EXOC4: variants seen among roughly 807,000 people sequenced by gnomAD.
EXOC4 encodes exocyst complex component 4, also known as SEC8-like 1.
EXOC4 carries 71 observed loss-of-function variants against 107.2 expected under a neutral mutation model. The ratio of observed to expected loss-of-function variants is 0.66; its 90% CI spans 0.55 to 0.81. EXOC4 has a LOEUF of 0.81. EXOC4 is among the 30% of genes least tolerant of loss of function. EXOC4 has a pLI of 0.00. For missense variants in EXOC4, 1,108 were observed against 1,189.6 expected (o/e 0.93, Z 1.01); for synonymous variants, 456 against 441.2 (o/e 1.03, Z -0.42).
At chr7:133,489,742 A>T (rs1457861876) in intron 9 of EXOC4, among the ~76,000 whole-genome samples, 1 of 152,200 alleles carries the variant, frequency 6.6e-6, no homozygotes, top group Non-Finnish European at 1.5e-5. Context: ...GGCCCTCAGG[A>T]TAAAATAATG....
At chr7:133,723,470 A>G (rs1795148585) in intron 10 of EXOC4, among the ~76,000 whole-genome samples, 1 of 129,552 alleles carries the variant, frequency 7.7e-6, no homozygotes, top group Non-Finnish European at 1.6e-5. Context: ...ATGGGAGAAC[A>G]TCTTTTTTTT....
At chr7:133,576,009 C>G (rs968730328) in intron 9 of EXOC4, among the ~76,000 whole-genome samples, 2 of 152,154 alleles carry the variant, frequency 1.3e-5, no homozygotes, top group Admixed American at 1.3e-4. Flanking sequence ...TCTGGACCTC[C>G]GCTTACTCCT....
chr7:133,867,688 A>G (rs1798670009), intron 11 of EXOC4, among the ~76,000 whole-genome samples: 1 of 152,302 alleles, frequency 6.6e-6, no homozygotes, highest in East Asian at 1.9e-4. Context: ...CTTAAATGTG[A>G]TGCATAGTAT....
At chr7:133,904,399 A>G (rs1799522962) in intron 12 of EXOC4, among the ~76,000 whole-genome samples, 1 of 152,144 alleles carries the variant, frequency 6.6e-6, no homozygotes, top group Non-Finnish European at 1.5e-5. Flanking sequence ...TTTCTCTGTC[A>G]TTCATATTTT....
chr7:133,374,613 T>C (rs1165182520), intron 6 of EXOC4, among the ~76,000 whole-genome samples: 1 of 152,242 alleles, frequency 6.6e-6, no homozygotes, highest in African/African-American at 2.4e-5. Flanking sequence ...TTACATCATT[T>C]ACATGTTATA....
At chr7:134,021,925 G>T (rs1441610954) in intron 17 of EXOC4, among the ~76,000 whole-genome samples, 1 of 152,012 alleles carries the variant, frequency 6.6e-6, no homozygotes, top group Non-Finnish European at 1.5e-5. Flanking sequence ...GGGACAGAGG[G>T]AGGGAGGGAG....
In EXOC4 at chr7:133,825,769, A is replaced by T. The variant is rs375558947; in HGVS notation, c.1734+8225A>T. ...AGATTCAGCTTTTATTAGTGTAAATAGATTAGTCCCATTTAAGGTCTGCTG... is the reference window on the plus strand; with the variant it reads ...AGATTCAGCTTTTATTAGTGTAAATTGATTAGTCCCATTTAAGGTCTGCTG... On this transcript the variant is annotated intron_variant, in intron 11 of 17. Coordinates refer to ENST00000253861, the MANE Select transcript of EXOC4 (RefSeq NM_021807.4). 1.1e-4 allele frequency among the ~76,000 whole-genome samples: 17 copies of T among 152,312 alleles called. No homozygotes were observed. In the East Asian group the frequency reaches 3.1e-3, roughly 28 times the overall value.
chr7:133,992,483 A>C (rs1028086386), intron 14 of EXOC4, among the ~76,000 whole-genome samples: 1 of 151,724 alleles, frequency 6.6e-6, no homozygotes. Context: ...GGGTTTCACT[A>C]TGTTGGCCAG....
intron 7 of EXOC4, among the ~76,000 whole-genome samples, chr7:133,407,089 A>C (rs547784277): frequency 2.6e-4 from 39 of 152,286 alleles, no homozygotes; most frequent in Non-Finnish European, 4.7e-4. Flanking sequence ...CTTTAGCAAG[A>C]ATCCTGCTGT....
chr7:133,621,253 G>GA, intron 9 of EXOC4, among the ~76,000 whole-genome samples: 1 of 152,120 alleles, frequency 6.6e-6, no homozygotes, highest in Non-Finnish European at 1.5e-5. Context: ...AGATAATTGA[G>GA]AAAGGTACTT....
chr7:133,291,383 ATTT>A (rs372299756), intron 3 of EXOC4, among the ~76,000 whole-genome samples: 8 of 132,460 alleles, frequency 6.0e-5, no homozygotes, highest in Admixed American at 7.5e-5. Flanking sequence ...TTGTTATGTG[ATTT>A]TTTTTTTTTT....
At chr7:133,318,080 A>G (rs1275166253) in intron 5 of EXOC4, among the ~76,000 whole-genome samples, 1 of 152,174 alleles carries the variant, frequency 6.6e-6, no homozygotes, top group Non-Finnish European at 1.5e-5. Context: ...TATTGCATTC[A>G]GTGTCTGGTC....
At chr7:133,299,799 G>A (rs889122109) in intron 3 of EXOC4, among the ~76,000 whole-genome samples, 1 of 151,956 alleles carries the variant, frequency 6.6e-6, no homozygotes, top group South Asian at 2.1e-4. Flanking sequence ...TTATCTCCCT[G>A]GCAGTCTATT....
At chr7:133,286,215 T>A (rs1794273588) in intron 2 of EXOC4, among the ~76,000 whole-genome samples, 1 of 152,248 alleles carries the variant, frequency 6.6e-6, no homozygotes, top group African/African-American at 2.4e-5. Context: ...TTTGGTGTTT[T>A]CCTGTTTGGA....
chr7:133,433,259 C>T (rs1797894731), intron 7 of EXOC4, among the ~76,000 whole-genome samples: 1 of 152,162 alleles, frequency 6.6e-6, no homozygotes, highest in South Asian at 2.1e-4. Context: ...CTCCCAATAG[C>T]CCCCCACCCA....
At chr7:133,716,353 T>C (rs571019055) in intron 10 of EXOC4, among the ~76,000 whole-genome samples, 1 of 152,312 alleles carries the variant, frequency 6.6e-6, no homozygotes, top group Admixed American at 6.5e-5. Flanking sequence ...TACTTGTATA[T>C]GGGAGCGAGT....
chr7:133,320,532 A>C (rs985714804), intron 5 of EXOC4, among the ~76,000 whole-genome samples: 4 of 152,052 alleles, frequency 2.6e-5, no homozygotes, highest in South Asian at 2.1e-4. Flanking sequence ...ATTCTGGCTA[A>C]TCTTCCCATC....
rs373249984 is a variant in EXOC4 at position 133,358,184 on chromosome 7, T to TCAAA, written c.1007+1630_1007+1633dup. ...CTGGTTGACAGAGTGAAACTTCATC[T>TCAAA]CAAACAAACAAACAAACAAACACCC... On this transcript the variant is annotated intron_variant, in intron 6 of 17. Coordinates refer to ENST00000253861, the MANE Select transcript of EXOC4 (RefSeq NM_021807.4). Among the ~76,000 whole-genome samples, 1,111 of 152,094 alleles carry TCAAA rather than the reference T, an allele frequency of 7.3e-3. 9 individuals are homozygous for TCAAA. Among genetic ancestry groups the TCAAA allele is most frequent in the African/African-American group, 0.025 (1,052 of 41,474 alleles).
At chr7:133,261,423 C>A (rs960649656) in intron 1 of EXOC4, among the ~76,000 whole-genome samples, 29 of 152,124 alleles carry the variant, frequency 1.9e-4, no homozygotes, top group African/African-American at 7.0e-4. Flanking sequence ...TGTGCCACTG[C>A]GCCCGGCTAA....
Sources: gnomAD v4.1 joint callset for allele counts (sites outside exome capture counted in the v4.1 genomes callset) on GRCh38, gnomAD v4.1.1 for gene constraint, MANE v1.5 for transcripts, NCBI Gene and HGNC (gene_info 2026-07-23, HGNC 2026-07-21) for gene names.